Variants in ISY1 observed in about 807,000 individuals in gnomAD.
The protein encoded by ISY1 is ISY1 spliceosome associated protein, also known as pre-mRNA-splicing factor ISY1 homolog.
ISY1 carries 12 observed loss-of-function variants against 54.4 expected under a neutral mutation model. The ratio of observed to expected loss-of-function variants is 0.22; its 90% CI spans 0.14 to 0.36. ISY1 has a LOEUF of 0.36. ISY1 is among the 10% of genes least tolerant of loss of function. The pLI is 1.00. For missense variants in ISY1, 282 were observed against 342.2 expected (o/e 0.82, Z 1.39); for synonymous variants, 96 against 117.9 (o/e 0.81, Z 1.20).
chr3:129,151,995 C>T (rs1160893618), intron 5 of ISY1, among the ~76,000 whole-genome samples: 3 of 151,990 alleles, frequency 2.0e-5, no homozygotes, highest in African/African-American at 7.3e-5. Flanking sequence ...CCTGTCTCTA[C>T]TGAAAATACA....
chr3:129,153,189 T>C (rs1222998493), intron 5 of ISY1, among the ~76,000 whole-genome samples: 1 of 152,124 alleles, frequency 6.6e-6, no homozygotes, highest in African/African-American at 2.4e-5. Flanking sequence ...TTTGTATTTT[T>C]CATAGAGACA....
At chr3:129,145,658 A>G in intron 6 of ISY1, 103 bp downstream of exon 6, 1 of 1,110,962 alleles carries the variant, frequency 9.0e-7, no homozygotes, top group Non-Finnish European at 1.3e-6. Flanking sequence ...CATCCTGTTC[A>G]TAGCTTTCCT....
intron 1 of ISY1, among the ~76,000 whole-genome samples, chr3:129,159,898 G>A (rs909417152): frequency 1.2e-4 from 18 of 152,148 alleles, no homozygotes; most frequent in African/African-American, 3.9e-4. Context: ...CAGCAAAATC[G>A]AGTTCAATTT....
intron 5 of ISY1, among the ~76,000 whole-genome samples, chr3:129,147,264 C>A (rs1171533884): frequency 2.0e-5 from 3 of 151,770 alleles, no homozygotes. Context: ...GTAATCCCAG[C>A]TACTCAGGAA....
intron 5 of ISY1, 61 bp from the exon 6 acceptor site, chr3:129,145,934 C>T (rs957286494): frequency 3.6e-5 from 55 of 1,507,146 alleles, no homozygotes; most frequent in Middle Eastern, 3.6e-4. Flanking sequence ...ACCTCTAACA[C>T]GTACACTTAG....
chr3:129,137,751 A>C (rs1314115385), intron 7 of ISY1, among the ~76,000 whole-genome samples: 1 of 151,030 alleles, frequency 6.6e-6, no homozygotes, highest in Non-Finnish European at 1.5e-5. Flanking sequence ...TCTACTAAAA[A>C]AATACAAAAA....
At chr3:129,141,142 T>C (rs914138675) in intron 6 of ISY1, among the ~76,000 whole-genome samples, 6 of 150,750 alleles carry the variant, frequency 4.0e-5, no homozygotes, top group African/African-American at 7.3e-5. Flanking sequence ...GAGGTGGAGA[T>C]TGCAGCGAGC....
At chr3:129,134,254 T>C in intron 8 of ISY1, 59 bp from the exon 9 acceptor site, 2 of 1,610,084 alleles carry the variant, frequency 1.2e-6, no homozygotes, top group Non-Finnish European at 1.7e-6. Context: ...TTCAACACTA[T>C]GCAGGGAAAG....
Position 129,161,030 on chromosome 3 carries a change from A to C in ISY1, c.-55T>G, listed in dbSNP as rs955674394. 6.5e-6 allele frequency: 10 copies of C among 1,531,046 alleles called. No individual in the cohort carries two copies. The highest frequency in any genetic ancestry group is 6.2e-6 in the Non-Finnish European group (7 of 1,134,920). 94.8% of individuals were successfully genotyped at this position (1,531,046 alleles called of 1,614,324 possible). A position where few individuals can be genotyped will look rare whatever the true frequency, so the allele number is the denominator to read the frequency against. ...CCGCGGCCCCTGTCCAAGAAACTCCACAGGCCCAGAAGACGCCGACGCTCA... is the reference window on the plus strand; with the variant it reads ...CCGCGGCCCCTGTCCAAGAAACTCCCCAGGCCCAGAAGACGCCGACGCTCA... On this transcript the variant is annotated 5_prime_UTR_variant, in exon 1 of 11. Transcript: ENST00000393295.
intron 5 of ISY1, 90 bp downstream of exon 5, chr3:129,156,543 T>C: frequency 7.5e-7 from 1 of 1,325,120 alleles, no homozygotes; most frequent in South Asian, 1.3e-5. Flanking sequence ...ATCTACTTGC[T>C]CTATTGATTA....
chr3:129,148,689 C>T (rs1011997757), intron 5 of ISY1, among the ~76,000 whole-genome samples: 3 of 152,190 alleles, frequency 2.0e-5, no homozygotes, highest in African/African-American at 7.2e-5. Context: ...CTCAGCCTCC[C>T]AAGTAGTTGG....
At chr3:129,157,230 A>G (rs1447770625) in intron 3 of ISY1, among the ~76,000 whole-genome samples, 2 of 152,242 alleles carry the variant, frequency 1.3e-5, no homozygotes, top group Non-Finnish European at 2.9e-5. Context: ...AGTGTTTAAA[A>G]CAAACATACA....
chr3:129,147,173 G>A (rs777757034), intron 5 of ISY1, among the ~76,000 whole-genome samples: 9 of 151,902 alleles, frequency 5.9e-5, no homozygotes, highest in African/African-American at 1.5e-4. Context: ...TCAGGAGTTC[G>A]AGACCAGCCT....
intron 7 of ISY1, among the ~76,000 whole-genome samples, chr3:129,136,481 T>G (rs564936065): frequency 6.6e-6 from 1 of 152,008 alleles, no homozygotes; most frequent in Admixed American, 6.6e-5. Context: ...GTGCAGTGAC[T>G]CATGCCTGTA....
Position 129,149,584 on chromosome 3 carries a change from T to TA in ISY1, c.188-3712dup, listed in dbSNP as rs149839273. ...TAACACAGTGAAACCCCGTCTCTAC[T>TA]AAAAAAAAAAAAAAAAAAAAAAAAA... On this transcript the variant is annotated intron_variant, in intron 5 of 10. Coordinates refer to ENST00000393295, the MANE Select transcript of ISY1 (RefSeq NM_020701.4). Among the ~76,000 whole-genome samples, 24 of 16,676 alleles carry TA rather than the reference T, an allele frequency of 1.4e-3. 1 individual carries two copies. Among genetic ancestry groups the TA allele is most frequent in the Non-Finnish European group, 1.7e-3 (17 of 9,786 alleles). 10.9% of individuals were successfully genotyped at this position (16,676 alleles called of 152,430 possible). A position where few individuals can be genotyped will look rare whatever the true frequency, so the allele number is the denominator to read the frequency against.
rs548051177 is a variant in ISY1 at position 129,159,210 on chromosome 3, T to C, written c.4-34A>G. Reference sequence around the variant, plus strand: ...AGAGAAAAGAGAAGAAAAATGTCCATGTTTAAAATATATTTTTTTCTTGCC... The same window carrying C: ...AGAGAAAAGAGAAGAAAAATGTCCACGTTTAAAATATATTTTTTTCTTGCC... On this transcript the variant is annotated intron_variant, in intron 1 of 10. Coordinates refer to ENST00000393295, the MANE Select transcript of ISY1 (RefSeq NM_020701.4). 1.3e-4 allele frequency: 211 copies of C among 1,589,354 alleles called. 1 individual carries two copies. In the South Asian group the frequency reaches 1.7e-3, roughly 13 times the overall value.
intron 6 of ISY1, among the ~76,000 whole-genome samples, chr3:129,141,184 T>C (rs1936596586): frequency 7.6e-6 from 1 of 131,140 alleles, no homozygotes; most frequent in African/African-American, 3.2e-5. Flanking sequence ...CAGCCAGGGC[T>C]GGAGTAAATT....
In ISY1 at chr3:129,159,142, G is replaced by C; in HGVS notation, c.26+12C>G. Reference sequence around the variant, plus strand: ...ACAAAAAATTTACAGCCAAAAACAAGTTGATACTTACATGGCCTTTTCTGC... The same window carrying C: ...ACAAAAAATTTACAGCCAAAAACAACTTGATACTTACATGGCCTTTTCTGC... On this transcript the variant is annotated intron_variant, in intron 2 of 10. Coordinates refer to ENST00000393295, the MANE Select transcript of ISY1 (RefSeq NM_020701.4). The C allele has an allele frequency of 6.2e-7, 1 of 1,605,044 alleles. No homozygotes were observed. Among genetic ancestry groups the C allele is most frequent in the Non-Finnish European group, 8.5e-7 (1 of 1,178,150 alleles).
At position 129,140,394 on chromosome 3, in the gene ISY1, C is replaced by T. The variant is rs781776433; in HGVS notation, c.392G>A (p.Gly131Asp). ...TTCTTTTTCAAACAGCTCTCTAACACCAGGCAAATCTTTTGCTGCTCCAAA... is the reference window on the plus strand; with the variant it reads ...TTCTTTTTCAAACAGCTCTCTAACATCAGGCAAATCTTTTGCTGCTCCAAA... ...KYFGAAKDLP[G>D]VRELFEKEPL... The change falls in exon 7 of 11, where the codon GGT becomes GAT. Residue 131 changes from glycine to aspartate, a missense_variant. Gly to Asp is a moderately conservative substitution (Grantham distance 94). Around this residue, in one of 2 missense-constraint regions of ISY1, gnomAD observed 279 missense variants for 323.6 expected, o/e 0.86. Transcript: ENST00000393295. The T allele has an allele frequency of 6.2e-7, 1 of 1,611,020 alleles. No individual in the cohort carries two copies. Among genetic ancestry groups the T allele is most frequent in the Non-Finnish European group, 8.5e-7 (1 of 1,179,312 alleles).
Sources: allele counts gnomAD v4.1 joint callset (sites outside exome capture counted in the v4.1 genomes callset), GRCh38; gene constraint gnomAD v4.1.1; regional missense constraint gnomAD v4.1.1; transcripts MANE v1.5; gene names NCBI Gene and HGNC (gene_info 2026-07-23, HGNC 2026-07-21).